Variants in LHFPL2 observed in about 807,000 individuals in gnomAD.
The protein encoded by LHFPL2 is LHFPL tetraspan subfamily member 2, also known as LHFPL tetraspan subfamily member 2 protein.
In LHFPL2, 7 loss-of-function variants were observed where a neutral mutation model predicts 17.5. The ratio of observed to expected loss-of-function variants is 0.40; its 90% confidence interval spans 0.23 to 0.75. The LOEUF is 0.75. Ranked by LOEUF, LHFPL2 falls within the 30% of genes least tolerant of loss-of-function variation. The pLI is 0.37. For missense variants in LHFPL2, 241 were observed against 294.8 expected (o/e 0.82, Z 1.34); for synonymous variants, 134 against 116.2 (o/e 1.15, Z -0.99).
At chr5:78,555,596 A>AAG (rs1756550870) in intron 3 of LHFPL2, among the ~76,000 whole-genome samples, 1 of 152,240 alleles carries the variant, frequency 6.6e-6, no homozygotes, top group African/African-American at 2.4e-5. Context: ...GTGGGGACCC[A>AAG]GGCCACAGGG....
chr5:78,580,676 G>A (rs1275844292), intron 2 of LHFPL2, among the ~76,000 whole-genome samples: 1 of 152,124 alleles, frequency 6.6e-6, no homozygotes, highest in Non-Finnish European at 1.5e-5. Context: ...CGTTCTTTCT[G>A]AGGGCTCTGT....
At chr5:78,535,701 C>T (rs1355123504) in intron 3 of LHFPL2, among the ~76,000 whole-genome samples, 4 of 152,142 alleles carry the variant, frequency 2.6e-5, no homozygotes, top group African/African-American at 9.7e-5. Context: ...TGGCTGGGGG[C>T]GCCTCTGGAG....
intron 2 of LHFPL2, among the ~76,000 whole-genome samples, chr5:78,583,577 A>C (rs1406654921): frequency 1.8e-4 from 27 of 151,568 alleles, no homozygotes. Flanking sequence ...TCTGGGTTGA[A>C]AATTCTTTTC....
chr5:78,647,881 C>T (rs1287639055), intron 1 of LHFPL2, among the ~76,000 whole-genome samples: 2 of 152,176 alleles, frequency 1.3e-5, no homozygotes, highest in African/African-American at 4.8e-5. Context: ...GCAGAGTCTC[C>T]CCAGTCCTTT....
chr5:78,491,490 A>C (rs1754444832), intron 4 of LHFPL2, among the ~76,000 whole-genome samples: 1 of 152,152 alleles, frequency 6.6e-6, no homozygotes, highest in African/African-American at 2.4e-5. Flanking sequence ...GAACCACAGC[A>C]ATGAAAGGGT....
At position 78,489,890 on chromosome 5, in the gene LHFPL2, G is replaced by T. The variant is rs546439003; in HGVS notation, c.431-737C>A. On this transcript the variant is annotated intron_variant, in intron 4 of 4. Transcript: ENST00000380345. The stretch of plus-strand genomic sequence containing the variant: ...TTTACTCTAAAATGTTTACTGTCTG[G>T]CTTTCTGCAGAAAGAGTTTGCCAAC... 1.6e-4 allele frequency among the ~76,000 whole-genome samples: 22 copies of T among 138,172 alleles called. No individual in the cohort carries two copies. In the East Asian group the frequency reaches 6.4e-3, roughly 40 times the overall value. 90.6% of individuals were successfully genotyped at this position (138,172 alleles called of 152,430 possible).
At position 78,487,527 on chromosome 5, in the gene LHFPL2, A is replaced by G. The variant is rs1754288866; in HGVS notation, c.*1370T>C. 1.3e-5 allele frequency: 2 copies of G among 152,204 alleles called. No individual in the cohort carries two copies. The highest frequency in any genetic ancestry group is 2.1e-4 in the South Asian group (1 of 4,832). The allele number at this position is 152,204 out of a possible 1,614,324, so 9.4% of individuals were successfully genotyped here. A position where few individuals can be genotyped will look rare whatever the true frequency, so the allele number is the denominator to read the frequency against. Reference sequence around the variant, plus strand: ...AAGTGCTAAGGAGTGTTTCTGTATCATGATACAATTTTGAAGCTCCCATAA... The same window carrying G: ...AAGTGCTAAGGAGTGTTTCTGTATCGTGATACAATTTTGAAGCTCCCATAA... On this transcript the variant is annotated 3_prime_UTR_variant, in exon 5 of 5. Coordinates refer to ENST00000380345, the MANE Select transcript of LHFPL2 (RefSeq NM_005779.3).
intron 2 of LHFPL2, among the ~76,000 whole-genome samples, chr5:78,573,890 C>G (rs1481809065): frequency 2.0e-5 from 3 of 152,154 alleles, no homozygotes; most frequent in African/African-American, 7.2e-5. Context: ...TTTTAGAATT[C>G]TGTAATGTTT....
intron 4 of LHFPL2, among the ~76,000 whole-genome samples, chr5:78,496,294 T>C (rs1163045122): frequency 6.6e-6 from 1 of 152,206 alleles, no homozygotes; most frequent in East Asian, 1.9e-4. Flanking sequence ...ATACGAATTC[T>C]AATGAGACAT....
intron 3 of LHFPL2, among the ~76,000 whole-genome samples, chr5:78,550,066 C>T (rs913595561): frequency 1.3e-5 from 2 of 152,198 alleles, no homozygotes; most frequent in Non-Finnish European, 2.9e-5. Context: ...ATAAATTCCA[C>T]GTTTGAAATT....
At chr5:78,587,739 A>C (rs752535142) in intron 2 of LHFPL2, among the ~76,000 whole-genome samples, 1 of 152,242 alleles carries the variant, frequency 6.6e-6, no homozygotes, top group Non-Finnish European at 1.5e-5. Flanking sequence ...TGCTGTCTTT[A>C]AAATTGCACT....
chr5:78,517,550 C>T (rs1031970627), intron 3 of LHFPL2, among the ~76,000 whole-genome samples: 1 of 152,192 alleles, frequency 6.6e-6, no homozygotes, highest in African/African-American at 2.4e-5. Flanking sequence ...GGAGACCTCA[C>T]AATCATGGAA....
At chr5:78,554,705 G>A (rs1756528198) in intron 3 of LHFPL2, among the ~76,000 whole-genome samples, 1 of 152,238 alleles carries the variant, frequency 6.6e-6, no homozygotes, top group South Asian at 2.1e-4. Context: ...TATTCGTGCT[G>A]AGGAAACTTT....
chr5:78,517,067 C>CAAGA (rs1755315096), intron 3 of LHFPL2, among the ~76,000 whole-genome samples: 2 of 152,324 alleles, frequency 1.3e-5, no homozygotes, highest in East Asian at 3.9e-4. Context: ...CTCAGGTGGC[C>CAAGA]TTGGCCACCC....
intron 2 of LHFPL2, among the ~76,000 whole-genome samples, chr5:78,608,501 C>T (rs1230761693): frequency 1.3e-5 from 2 of 151,670 alleles, no homozygotes; most frequent in Non-Finnish European, 2.9e-5. Flanking sequence ...GAAATACAAT[C>T]AGGCTATACA....
chr5:78,617,175 C>T (rs908377466), intron 2 of LHFPL2, among the ~76,000 whole-genome samples: 2 of 152,070 alleles, frequency 1.3e-5, no homozygotes, highest in Admixed American at 6.6e-5. Flanking sequence ...ATTACAGGTG[C>T]GTGTCACCAC....
chr5:78,606,221 C>G (rs1285652487), intron 2 of LHFPL2, among the ~76,000 whole-genome samples: 5 of 152,088 alleles, frequency 3.3e-5, no homozygotes, highest in Non-Finnish European at 5.9e-5. Flanking sequence ...AAGTCTAGGG[C>G]CTCTATATTT....
chr5:78,569,630 T>A (rs530195270), intron 2 of LHFPL2, among the ~76,000 whole-genome samples: 1 of 151,850 alleles, frequency 6.6e-6, no homozygotes, highest in Non-Finnish European at 1.5e-5. Context: ...GACATGAGAG[T>A]GTCGAGTTTC....
intron 3 of LHFPL2, among the ~76,000 whole-genome samples, chr5:78,529,111 T>TG (rs1177348390): frequency 2.0e-5 from 3 of 147,078 alleles, no homozygotes; most frequent in Admixed American, 1.4e-4. Flanking sequence ...ACCACGTCTC[T>TG]GAAAAAAAAA....
Sources: gnomAD v4.1 joint callset for allele counts (sites outside exome capture counted in the v4.1 genomes callset) on GRCh38, gnomAD v4.1.1 for gene constraint, MANE v1.5 for transcripts, NCBI Gene and HGNC (gene_info 2026-07-23, HGNC 2026-07-21) for gene names.